The following FRMD6 variants were observed in gnomAD, a reference collection of about 807,000 sequenced individuals.
FRMD6 encodes FERM domain containing 6, also known as FERM domain-containing protein 6.
In FRMD6, 37 loss-of-function variants were observed where a neutral mutation model predicts 73.2. The observed-to-expected ratio is 0.51, with a 90% CI of 0.39 to 0.66. The LOEUF (loss-of-function observed/expected upper bound fraction) is 0.66. Among genes scored for constraint, FRMD6 ranks in the 30% least tolerant of loss-of-function variants. The probability of loss-of-function intolerance (pLI) is 0.00; values close to 1 mark genes in which losing one functional copy is unlikely to be tolerated. For missense variants in FRMD6, 714 were observed against 780.5 expected (o/e 0.91, Z 1.02); for synonymous variants, 273 against 282.2 (o/e 0.97, Z 0.33).
chr14:51,421,502 T>G, the FRMD6 span, among the ~76,000 whole-genome samples: 7 of 152,142 alleles, frequency 4.6e-5, no homozygotes, highest in Admixed American at 1.3e-4. Context: ...GGCTTGACAA[T>G]TGTGTCTAGG....
At chr14:51,713,458 CAAAA>C (rs5808631) in intron 9 of FRMD6, among the ~76,000 whole-genome samples, 5 of 111,852 alleles carry the variant, frequency 4.5e-5, no homozygotes, top group African/African-American at 1.0e-4. Flanking sequence ...AACTCCATCT[CAAAA>C]AAAAAAAAAA....
the FRMD6 span, among the ~76,000 whole-genome samples, chr14:51,432,187 A>T: frequency 6.6e-6 from 1 of 152,208 alleles, no homozygotes. Context: ...TACATTATTG[A>T]AAAGATAGAG....
At position 51,699,748 on chromosome 14, in the gene FRMD6, A is replaced by G. The variant is rs1322299685; in HGVS notation, c.191-1308A>G. The stretch of plus-strand genomic sequence containing the variant: ...AGGTATAGTGGCAGTTTAAAAATAT[A>G]TATATGTACTATTATGGTGAACAGT... On this transcript the variant is annotated intron_variant, in intron 3 of 13. Transcript: ENST00000344768. 2.0e-5 allele frequency among the ~76,000 whole-genome samples: 3 copies of G among 152,066 alleles called. No individual in the cohort carries two copies. In the East Asian group the frequency reaches 5.8e-4, roughly 29 times the overall value.
the FRMD6 span, among the ~76,000 whole-genome samples, chr14:51,397,736 C>T: frequency 1.3e-5 from 2 of 152,308 alleles, no homozygotes; most frequent in East Asian, 1.9e-4. Flanking sequence ...AAATTCCACA[C>T]CTCACCTCGT....
the FRMD6 span, among the ~76,000 whole-genome samples, chr14:51,415,698 C>A: frequency 2.0e-5 from 3 of 152,242 alleles, no homozygotes; most frequent in East Asian, 1.9e-4. Flanking sequence ...CCCTCTTTTT[C>A]TATTGATTGG....
chr14:51,484,511 A>G (rs1882726524), upstream of FRMD6, among the ~76,000 whole-genome samples: 2 of 152,186 alleles, frequency 1.3e-5, no homozygotes, highest in South Asian at 2.1e-4. Context: ...CACCACCAGA[A>G]TAGCCACTCA....
chr14:51,508,238 C>T (rs1446865946), intron 1 of FRMD6, among the ~76,000 whole-genome samples: 2 of 152,216 alleles, frequency 1.3e-5, no homozygotes, highest in African/African-American at 2.4e-5. Flanking sequence ...CCCCCACCCA[C>T]GGAGTGCTCC....
intron 2 of FRMD6, among the ~76,000 whole-genome samples, chr14:51,634,125 A>G (rs901778181): frequency 5.3e-5 from 8 of 152,266 alleles, no homozygotes; most frequent in African/African-American, 1.4e-4. Context: ...AAATGACTAT[A>G]TAACTACATC....
At chr14:51,705,061 C>G (rs1896543650) in intron 6 of FRMD6, 126 bp downstream of exon 6, 1 of 762,544 alleles carries the variant, frequency 1.3e-6, no homozygotes, top group Admixed American at 2.9e-5. Flanking sequence ...TTGTGATGCC[C>G]AGATATTTAA....
chr14:51,575,550 T>C (rs10438118), intron 2 of FRMD6: 140 of 152,312 alleles, frequency 9.2e-4, no homozygotes, highest in African/African-American at 3.2e-3. Flanking sequence ...CTGTTTTCTG[T>C]TTTCGTGAGA....
the FRMD6 span, among the ~76,000 whole-genome samples, chr14:51,428,330 A>G: frequency 6.6e-6 from 1 of 152,086 alleles, no homozygotes; most frequent in Non-Finnish European, 1.5e-5. Flanking sequence ...CACGTGCCCA[A>G]CTATTTCAGA....
intron 2 of FRMD6, 105 bp downstream of exon 2, chr14:51,690,040 G>A: frequency 1.3e-6 from 1 of 775,284 alleles, no homozygotes; most frequent in Non-Finnish European, 2.3e-6. Flanking sequence ...AATTAGGGCA[G>A]TAATCATGTG....
chr14:51,513,254 C>T (rs982559188), intron 1 of FRMD6, among the ~76,000 whole-genome samples: 8 of 152,196 alleles, frequency 5.3e-5, no homozygotes. Context: ...CAAGTCCTAA[C>T]TGAAAAGTTG....
chr14:51,650,310 T>C (rs1430901315), upstream of FRMD6: 1 of 152,138 alleles, frequency 6.6e-6, no homozygotes, highest in African/African-American at 2.4e-5. Flanking sequence ...CTGAATTCCT[T>C]TGCCATGCAA....
the FRMD6 span, among the ~76,000 whole-genome samples, chr14:51,451,986 A>G: frequency 3.3e-5 from 5 of 152,222 alleles, no homozygotes; most frequent in African/African-American, 1.2e-4. Context: ...CTTTATCCCA[A>G]GCAATGGGAT....
intron 1 of FRMD6, among the ~76,000 whole-genome samples, chr14:51,507,835 T>TCCTGATAATTCC (rs1884060336): frequency 6.6e-6 from 1 of 152,192 alleles, no homozygotes; most frequent in African/African-American, 2.4e-5. Context: ...AACAATTGCC[T>TCCTGATAATTCC]CCTGATCATT....
intron 5 of FRMD6, 35 bp downstream of exon 5, chr14:51,702,623 T>A: frequency 6.5e-7 from 1 of 1,530,158 alleles, no homozygotes; most frequent in Non-Finnish European, 9.0e-7. Context: ...AACGCTTTTT[T>A]TTCCCCCATA....
chr14:51,642,644 TC>T (rs532206987), intron 2 of FRMD6, among the ~76,000 whole-genome samples: 129 of 152,326 alleles, frequency 8.5e-4, no homozygotes, highest in Non-Finnish European at 1.4e-3. Context: ...TCAAACATGT[TC>T]CTGGTGCCTC....
At chr14:51,710,760 A>C (rs1896897383) in intron 7 of FRMD6, among the ~76,000 whole-genome samples, 1 of 152,132 alleles carries the variant, frequency 6.6e-6, no homozygotes, top group South Asian at 2.1e-4. Flanking sequence ...TTTCATTTCT[A>C]TTTTGAACTT....
Sources: allele counts gnomAD v4.1 joint callset (sites outside exome capture counted in the v4.1 genomes callset), GRCh38; gene constraint gnomAD v4.1.1; transcripts MANE v1.5; gene names NCBI Gene and HGNC (gene_info 2026-07-23, HGNC 2026-07-21).